MACROD2: variants seen among roughly 807,000 people sequenced by gnomAD.
The protein encoded by MACROD2 is mono-ADP ribosylhydrolase 2.
Under a neutral mutation model 70.4 loss-of-function variants are expected in MACROD2, and 36 were observed. The ratio of observed to expected loss-of-function variants is 0.51; its 90% CI spans 0.39 to 0.68. The LOEUF is 0.68. MACROD2 is among the 30% of genes least tolerant of loss of function. The pLI is 0.00. For missense variants in MACROD2, 496 were observed against 538.4 expected (o/e 0.92, Z 0.78); for synonymous variants, 172 against 178.8 (o/e 0.96, Z 0.30).
At chr20:15,161,789 A>G (rs967346388) in intron 5 of MACROD2, among the ~76,000 whole-genome samples, 1 of 152,068 alleles carries the variant, frequency 6.6e-6, no homozygotes, top group African/African-American at 2.4e-5. Flanking sequence ...AGATGCAGAA[A>G]TGAGGAGTTT....
chr20:14,220,681 G>C (rs749567621), intron 3 of MACROD2, among the ~76,000 whole-genome samples: 1 of 152,154 alleles, frequency 6.6e-6, no homozygotes, highest in East Asian at 1.9e-4. Context: ...GGTACCCAGC[G>C]AGCTCCCAGG....
chr20:14,288,680 A>G (rs2082362877), intron 3 of MACROD2, among the ~76,000 whole-genome samples: 2 of 152,098 alleles, frequency 1.3e-5, no homozygotes, highest in Admixed American at 6.5e-5. Context: ...TCTTTTCAAG[A>G]GCCCTTCATT....
intron 3 of MACROD2, among the ~76,000 whole-genome samples, chr20:14,483,262 A>G (rs2123077035): frequency 6.6e-6 from 1 of 152,348 alleles, no homozygotes; most frequent in African/African-American, 2.4e-5. Flanking sequence ...GAATGGAAGC[A>G]GAAAGCTTAG....
intron 13 of MACROD2, among the ~76,000 whole-genome samples, chr20:15,969,450 TAA>T (rs2066196520): frequency 6.6e-6 from 1 of 151,966 alleles, no homozygotes. Flanking sequence ...TATAAGGAGA[TAA>T]AGATAAGATT....
At chr20:15,962,222 G>A (rs2066073065) in intron 12 of MACROD2, among the ~76,000 whole-genome samples, 1 of 152,190 alleles carries the variant, frequency 6.6e-6, no homozygotes, top group Non-Finnish European at 1.5e-5. Flanking sequence ...AACTCAGGTA[G>A]GCGGATGATG....
In MACROD2 at chr20:16,035,150, TAAAATATAATATAA is replaced by T. The variant is rs1386058774; in HGVS notation, c.1154-6048_1154-6035del. On this transcript the variant is annotated intron_variant, in intron 15 of 17. Transcript: ENST00000684519. The stretch of plus-strand genomic sequence containing the variant: ...AATATTATATATTATATATTATATA[TAAAATATAATATAA>T]AATATAAAATATTATATATTATATA... 7.9e-4 allele frequency among the ~76,000 whole-genome samples: 77 copies of T among 97,910 alleles called. 3 individuals carry two copies. Among genetic ancestry groups the T allele is most frequent in the African/African-American group, 2.1e-3 (54 of 25,358 alleles). 64.2% of individuals were successfully genotyped at this position (97,910 alleles called of 152,430 possible).
chr20:14,515,974 T>C (rs1377704256), intron 4 of MACROD2, among the ~76,000 whole-genome samples: 1 of 147,658 alleles, frequency 6.8e-6, no homozygotes, highest in African/African-American at 2.5e-5. Context: ...TAATATATTT[T>C]ATATAAAATA....
chr20:14,661,044 C>T (rs149306420), intron 4 of MACROD2, among the ~76,000 whole-genome samples: 6 of 151,976 alleles, frequency 3.9e-5, no homozygotes. Context: ...GAGAACAATT[C>T]ATTTTCCTGT....
intron 5 of MACROD2, among the ~76,000 whole-genome samples, chr20:14,719,260 T>C (rs2071434735): frequency 6.6e-6 from 1 of 152,050 alleles, no homozygotes; most frequent in Non-Finnish European, 1.5e-5. Flanking sequence ...AGTCATTTTA[T>C]AGTTTAGTCT....
intron 15 of MACROD2, among the ~76,000 whole-genome samples, chr20:16,011,869 C>T (rs1404977694): frequency 6.6e-6 from 1 of 152,238 alleles, no homozygotes; most frequent in Middle Eastern, 3.2e-3. Context: ...CAAGGCTCCA[C>T]ATCTCAAAAC....
chr20:15,988,575 C>G (rs1009062890), intron 15 of MACROD2, among the ~76,000 whole-genome samples: 9 of 152,166 alleles, frequency 5.9e-5, no homozygotes, highest in Non-Finnish European at 5.9e-5. Flanking sequence ...GCATTGAACA[C>G]TACTCTGATG....
chr20:15,646,021 T>C (rs1425673617), intron 8 of MACROD2, among the ~76,000 whole-genome samples: 1 of 152,184 alleles, frequency 6.6e-6, no homozygotes, highest in Admixed American at 6.5e-5. Context: ...GTCAACATTT[T>C]TTAAATTGTA....
intron 5 of MACROD2, among the ~76,000 whole-genome samples, chr20:15,074,978 G>A (rs931140307): frequency 1.3e-5 from 2 of 152,162 alleles, no homozygotes; most frequent in Non-Finnish European, 2.9e-5. Flanking sequence ...AAAGGTAAAT[G>A]GCAATAGAGT....
At chr20:14,737,640 A>G (rs565346285) in intron 5 of MACROD2, among the ~76,000 whole-genome samples, 8 of 152,212 alleles carry the variant, frequency 5.3e-5, no homozygotes, top group East Asian at 1.9e-4. Context: ...TTTAATGATC[A>G]CCATTCTAAC....
intron 8 of MACROD2, among the ~76,000 whole-genome samples, chr20:15,557,840 C>G (rs1446824019): frequency 6.6e-6 from 1 of 152,080 alleles, no homozygotes; most frequent in Non-Finnish European, 1.5e-5. Context: ...TTACCATTGT[C>G]GGGCAATCTG....
chr20:14,288,210 C>G (rs1215122565), intron 3 of MACROD2, among the ~76,000 whole-genome samples: 1 of 151,874 alleles, frequency 6.6e-6, no homozygotes, highest in Admixed American at 6.6e-5. Context: ...AGAAATAGAA[C>G]TACTAATTCA....
At chr20:15,027,986 C>G (rs746927984) in intron 5 of MACROD2, among the ~76,000 whole-genome samples, 1 of 152,154 alleles carries the variant, frequency 6.6e-6, no homozygotes, top group Non-Finnish European at 1.5e-5. Context: ...GAAAATGGAC[C>G]TTAGCTTTAG....
intron 4 of MACROD2, among the ~76,000 whole-genome samples, chr20:14,629,967 C>T (rs141635400): frequency 9.9e-5 from 15 of 151,246 alleles, no homozygotes; most frequent in Admixed American, 2.0e-4. Flanking sequence ...ATCTATCTAT[C>T]TATCTATCTA....
chr20:14,929,932 C>A lies in MACROD2; in HGVS notation c.418+244973C>A, dbSNP rs7274817. ...ATCCCAGCACTTTGGGAGGCCGACA[C>A]AGGCGGATCATGAGGTCAGGAGATC... On this transcript the variant is annotated intron_variant, in intron 5 of 17. Transcript: ENST00000684519. Among the ~76,000 whole-genome samples the A allele has an allele frequency of 8.6e-3, 1,316 of 152,186 alleles. 18 individuals carry two copies. Among genetic ancestry groups the A allele is most frequent in the African/African-American group, 0.029 (1,209 of 41,544 alleles).
Sources: gnomAD v4.1 joint callset for allele counts (sites outside exome capture counted in the v4.1 genomes callset) on GRCh38, gnomAD v4.1.1 for gene constraint, MANE v1.5 for transcripts, NCBI Gene and HGNC (gene_info 2026-07-23, HGNC 2026-07-21) for gene names.